Variants in SHANK2 observed in about 807,000 individuals in gnomAD.
SHANK2 encodes the protein SH3 and multiple ankyrin repeat domains protein 2.
SHANK2 carries 43 observed loss-of-function variants against 133.7 expected under a neutral mutation model. That is an observed-to-expected ratio of 0.32 (90% confidence interval 0.25 to 0.41). SHANK2 has a LOEUF of 0.41. Ranked by LOEUF, SHANK2 falls within the 10% of genes least tolerant of loss-of-function variation. SHANK2 has a pLI of 1.00. For missense variants in SHANK2, 1,994 were observed against 2,235.8 expected (o/e 0.89, Z 2.18); for synonymous variants, 1,017 against 952.8 (o/e 1.07, Z -1.24).
At position 70,487,479 on chromosome 11, in the gene SHANK2, G is replaced by A. The variant is rs1406552881; in HGVS notation, c.2814C>T (p.Ser938=). ...CCCTCATCATGGTGGCCACGGTGTC[G>A]GACCTGGTGGCGGGGGACACCTTGG... ...SAAKVSPATR[S]DTVATMMREK... Residue 938 remains serine, a synonymous_variant, in exon 25 of 26, where the codon TCC becomes TCT. Coordinates refer to ENST00000601538, the MANE Select transcript of SHANK2 (RefSeq NM_012309.5). The surrounding 1 kb of genome is among the most constrained non-coding windows in gnomAD (Gnocchi z 5.8). The A allele has an allele frequency of 2.5e-6, 4 of 1,614,034 alleles. No homozygotes were observed. Among genetic ancestry groups the A allele is most frequent in the East Asian group, 2.2e-5 (1 of 44,846 alleles).
At chr11:70,894,153 C>T (rs193049528) in intron 11 of SHANK2, among the ~76,000 whole-genome samples, 4 of 152,292 alleles carry the variant, frequency 2.6e-5, no homozygotes, top group Admixed American at 6.5e-5. Flanking sequence ...CAACTCGGTG[C>T]TTCAACGTAC....
At chr11:70,621,670 T>C (rs1387193169) in intron 17 of SHANK2, among the ~76,000 whole-genome samples, 2 of 152,176 alleles carry the variant, frequency 1.3e-5, no homozygotes, top group African/African-American at 4.8e-5. Context: ...GCCCCAGCCA[T>C]GCGTGGCTGC....
chr11:70,559,458 CT>C (rs1446025752), intron 17 of SHANK2, among the ~76,000 whole-genome samples: 1 of 152,168 alleles, frequency 6.6e-6, no homozygotes, highest in Non-Finnish European at 1.5e-5. Context: ...CTGCTCCTGG[CT>C]TTTTTCACCT....
chr11:70,878,534 GC>G (rs1949607325), intron 11 of SHANK2, among the ~76,000 whole-genome samples: 1 of 152,212 alleles, frequency 6.6e-6, no homozygotes, highest in South Asian at 2.1e-4. Flanking sequence ...CCCTCGGGCT[GC>G]ATGGTGGGTT....
At position 71,199,649 on chromosome 11, in the gene SHANK2, T is replaced by C. The variant is rs114312818; in HGVS notation, c.-13+25048A>G. Among the ~76,000 whole-genome samples the C allele has an allele frequency of 6.7e-3, 1,022 of 152,310 alleles. 10 individuals carry two copies. Among genetic ancestry groups the C allele is most frequent in the African/African-American group, 0.024 (981 of 41,560 alleles). ...AGGGAAGATGTGACAAGCCGGCCACTGCCCCTAGGACCTGAGCCCAGTGGA... is the reference window on the plus strand; with the variant it reads ...AGGGAAGATGTGACAAGCCGGCCACCGCCCCTAGGACCTGAGCCCAGTGGA... On this transcript the variant is annotated intron_variant, in intron 2 of 25. Coordinates refer to ENST00000601538, the MANE Select transcript of SHANK2 (RefSeq NM_012309.5).
At chr11:70,519,200 C>A (rs913565041) in intron 17 of SHANK2, among the ~76,000 whole-genome samples, 4 of 152,144 alleles carry the variant, frequency 2.6e-5, no homozygotes, top group Non-Finnish European at 4.4e-5. Flanking sequence ...AGCACTGCAC[C>A]CAGCCACACT....
At chr11:71,114,185 C>T (rs1951937847) in intron 4 of SHANK2, among the ~76,000 whole-genome samples, 2 of 152,120 alleles carry the variant, frequency 1.3e-5, no homozygotes, top group Non-Finnish European at 2.9e-5. Context: ...CTTATCTGCC[C>T]CATGGGGATA....
At chr11:71,103,330 A>T (rs1555097067) in intron 6 of SHANK2, among the ~76,000 whole-genome samples, 1 of 152,158 alleles carries the variant, frequency 6.6e-6, no homozygotes, top group Non-Finnish European at 1.5e-5. Flanking sequence ...TCACTCTTTA[A>T]GTGCCCTTGT....
chr11:70,584,677 C>G (rs906823856), intron 17 of SHANK2, among the ~76,000 whole-genome samples: 2 of 152,186 alleles, frequency 1.3e-5, no homozygotes, highest in Non-Finnish European at 2.9e-5. Context: ...CATTTCCCCC[C>G]TCTCCCTCTG....
intron 12 of SHANK2, among the ~76,000 whole-genome samples, chr11:70,817,125 T>A (rs1948415936): frequency 6.6e-6 from 1 of 152,206 alleles, no homozygotes; most frequent in African/African-American, 2.4e-5. Context: ...CTCAAAAAGA[T>A]GCCTGGAGAA....
At chr11:71,168,420 G>T (rs1360249263) in intron 2 of SHANK2, among the ~76,000 whole-genome samples, 1 of 151,220 alleles carries the variant, frequency 6.6e-6, no homozygotes, top group Non-Finnish European at 1.5e-5. Context: ...TCCCAGACGG[G>T]GTGGCGGCCG....
chr11:70,681,714 T>C (rs2134388539), intron 15 of SHANK2, among the ~76,000 whole-genome samples: 1 of 152,060 alleles, frequency 6.6e-6, no homozygotes, highest in Middle Eastern at 3.4e-3. Flanking sequence ...GCCTTTTGGT[T>C]TGGGAGGCGA....
At chr11:70,666,289 G>A (rs1944676697) in intron 15 of SHANK2, among the ~76,000 whole-genome samples, 1 of 152,148 alleles carries the variant, frequency 6.6e-6, no homozygotes, top group Non-Finnish European at 1.5e-5. Flanking sequence ...TTCATGAAAA[G>A]CAATGGGACA....
chr11:70,630,640 C>T (rs1555001791), intron 17 of SHANK2, among the ~76,000 whole-genome samples: 1 of 152,168 alleles, frequency 6.6e-6, no homozygotes, highest in Non-Finnish European at 1.5e-5. Flanking sequence ...CACACAGAGA[C>T]ATGGCCACGT....
intron 10 of SHANK2, among the ~76,000 whole-genome samples, 185 bp downstream of exon 10, chr11:71,056,296 C>T (rs1950918866): frequency 6.6e-6 from 1 of 152,194 alleles, no homozygotes; most frequent in Non-Finnish European, 1.5e-5. Flanking sequence ...TGAGCAAGCA[C>T]ACTGAGACGG....
At chr11:71,115,033 T>A (rs1257045341) in intron 4 of SHANK2, among the ~76,000 whole-genome samples, 2 of 152,094 alleles carry the variant, frequency 1.3e-5, no homozygotes, top group African/African-American at 4.8e-5. Flanking sequence ...TCTCCAACAT[T>A]TCATAAGCAG....
At chr11:70,684,064 G>A (rs782526122) in intron 15 of SHANK2, among the ~76,000 whole-genome samples, 1 of 152,126 alleles carries the variant, frequency 6.6e-6, no homozygotes, top group Non-Finnish European at 1.5e-5. Context: ...GATGACAGGC[G>A]TGAGCCACTG....
intron 2 of SHANK2, among the ~76,000 whole-genome samples, chr11:71,215,970 G>A (rs782045548): frequency 1.3e-5 from 2 of 152,086 alleles, no homozygotes; most frequent in African/African-American, 4.8e-5. Flanking sequence ...AAGAGAGATG[G>A]GAACAGAAGC....
At chr11:70,537,874 G>A (rs968179023) in intron 17 of SHANK2, among the ~76,000 whole-genome samples, 3 of 152,204 alleles carry the variant, frequency 2.0e-5, no homozygotes, top group Admixed American at 1.3e-4. Flanking sequence ...ACAGAGGCCC[G>A]TGGGGGGTCT....
Sources: allele counts gnomAD v4.1 joint callset (sites outside exome capture counted in the v4.1 genomes callset), GRCh38; gene constraint gnomAD v4.1.1; non-coding constraint Gnocchi (gnomAD v3.1); transcripts MANE v1.5; gene names NCBI Gene and HGNC (gene_info 2026-07-23, HGNC 2026-07-21).